The following IL20RA variants were observed in gnomAD, a reference collection of about 807,000 sequenced individuals.
IL20RA encodes interleukin-20 receptor subunit alpha.
IL20RA carries 29 observed loss-of-function variants against 36.5 expected under a neutral mutation model. The observed-to-expected ratio is 0.79, with a 90% CI of 0.59 to 1.08. The LOEUF (loss-of-function observed/expected upper bound fraction) is 1.08. IL20RA is among the 50% of genes least tolerant of loss of function. The pLI, the probability that IL20RA is intolerant of heterozygous loss-of-function variation, is 0.00. For synonymous variants in IL20RA, 279 were observed against 267.1 expected (o/e 1.04, Z -0.43); for missense variants, 652 against 668.4 (o/e 0.98, Z 0.27).
intron 1 of IL20RA, among the ~76,000 whole-genome samples, chr6:137,031,304 T>C (rs1776272174): frequency 6.6e-6 from 1 of 152,204 alleles, no homozygotes; most frequent in African/African-American, 2.4e-5. Context: ...TGATACAATG[T>C]ACAGCTGGGT....
chr6:137,011,524 A>C (rs907409720), intron 2 of IL20RA, 72 bp from the exon 3 acceptor site: 70 of 986,024 alleles, frequency 7.1e-5, no homozygotes, highest in Non-Finnish European at 9.1e-5. Context: ...CAGTCATTTT[A>C]TAAAACTGAA....
chr6:137,013,038 A>G (rs1775553801), intron 2 of IL20RA, among the ~76,000 whole-genome samples: 1 of 152,230 alleles, frequency 6.6e-6, no homozygotes, highest in Non-Finnish European at 1.5e-5. Context: ...TCAGCTCACA[A>G]AATATAAAAC....
chr6:137,009,922 C>T (rs1775424817), intron 3 of IL20RA, among the ~76,000 whole-genome samples: 1 of 152,098 alleles, frequency 6.6e-6, no homozygotes, highest in Non-Finnish European at 1.5e-5. Context: ...CACCTTCTTA[C>T]AGGAGATGCC....
intron 3 of IL20RA, among the ~76,000 whole-genome samples, chr6:137,009,734 T>G (rs1775413387): frequency 6.6e-6 from 1 of 150,584 alleles, no homozygotes; most frequent in South Asian, 2.1e-4. Context: ...GCCTCCCAAG[T>G]AGCTAGGATT....
intron 5 of IL20RA, among the ~76,000 whole-genome samples, chr6:137,005,782 G>A (rs1775256764): frequency 6.6e-6 from 1 of 152,082 alleles, no homozygotes; most frequent in South Asian, 2.1e-4. Flanking sequence ...AAAATGTCTT[G>A]ATGACCCTAA....
chr6:137,031,429 A>G (rs1776278040), intron 1 of IL20RA, among the ~76,000 whole-genome samples: 1 of 152,240 alleles, frequency 6.6e-6, no homozygotes, highest in Non-Finnish European at 1.5e-5. Flanking sequence ...TGGTCCCATA[A>G]GATGATGTAT....
chr6:137,002,409 A>G (rs1775111725), intron 6 of IL20RA, 54 bp from the exon 7 acceptor site: 1 of 1,200,516 alleles, frequency 8.3e-7, no homozygotes, highest in East Asian at 2.4e-5. Flanking sequence ...GAGACATTAA[A>G]AACAGCTGTT....
chr6:137,002,403 C>A, intron 6 of IL20RA, 48 bp from the exon 7 acceptor site: 1 of 1,241,722 alleles, frequency 8.1e-7, no homozygotes, highest in Admixed American at 2.3e-5. Flanking sequence ...TTTAGAGAGA[C>A]ATTAAAAACA....
chr6:137,020,265 G>A lies in IL20RA; in HGVS notation c.89-3162C>T, dbSNP rs146325705. Among the ~76,000 whole-genome samples, 806 of 152,218 alleles carry A rather than the reference G, an allele frequency of 5.3e-3. 5 individuals carry two copies. The highest frequency in any genetic ancestry group is 0.018 in the African/African-American group (750 of 41,538). ...ATCCTCCGACCCCAGTCCAGCCTTC[G>A]GATGACTGCAGCCCCAGCTTGCCTC... On this transcript the variant is annotated intron_variant, in intron 1 of 6. Transcript: ENST00000316649.
intron 1 of IL20RA, among the ~76,000 whole-genome samples, chr6:137,028,413 CTA>C (rs1491272586): frequency 1.5e-4 from 7 of 46,600 alleles, no homozygotes; most frequent in African/African-American, 2.7e-4. Flanking sequence ...GAGACTCCAT[CTA>C]AAAAAAAAAA....
chr6:137,008,599 C>T lies in IL20RA; in HGVS notation c.724G>A (p.Asp242Asn), dbSNP rs754745901. 6.3e-6 allele frequency: 10 copies of T among 1,583,726 alleles called. No homozygotes were observed. The highest frequency in any genetic ancestry group is 2.3e-5 in the East Asian group (1 of 43,632). Residue 242 changes from aspartate to asparagine, a missense_variant and splice_region_variant, in exon 5 of 7, where the codon GAT (aspartate) becomes AAT (asparagine). Physicochemically the swap from Asp to Asn is conservative, Grantham distance 23. Coordinates refer to ENST00000316649, the MANE Select transcript of IL20RA (RefSeq NM_014432.4). ...CCAGCAAAGATTTTTTAAAGCTTAC[C>T]TTTCAAAGTCCTGGCACACTGCTTC... ...SEKQCARTLK[D>N]QSSEFKAKII...
intron 1 of IL20RA, among the ~76,000 whole-genome samples, chr6:137,020,369 A>C (rs566488937): frequency 2.4e-4 from 36 of 152,284 alleles, no homozygotes; most frequent in African/African-American, 8.7e-4. Context: ...CTCAAAAAAT[A>C]TGTGAGATAA....
rs530777053 is a variant in IL20RA at position 137,036,230 on chromosome 6, G to A, written c.88+8411C>T. Among the ~76,000 whole-genome samples the A allele has an allele frequency of 2.0e-4, 30 of 152,326 alleles. No individual in the cohort carries two copies. In the South Asian group the frequency reaches 3.7e-3, roughly 19 times the overall value. Reference sequence around the variant, plus strand: ...TGTTGGAGAGGAGGAACCACTGCATGTGGCTGAGAAAACATTCTTTTCCAC... The same window carrying A: ...TGTTGGAGAGGAGGAACCACTGCATATGGCTGAGAAAACATTCTTTTCCAC... On this transcript the variant is annotated intron_variant, in intron 1 of 6. Coordinates refer to ENST00000316649, the MANE Select transcript of IL20RA (RefSeq NM_014432.4).
At chr6:137,037,482 G>A (rs964517014) in intron 1 of IL20RA, among the ~76,000 whole-genome samples, 4 of 152,148 alleles carry the variant, frequency 2.6e-5, no homozygotes, top group African/African-American at 7.2e-5. Flanking sequence ...AGAGCAAAAT[G>A]AAATTGTACT....
chr6:137,044,088 T>G, intron 1 of IL20RA: 1 of 985,282 alleles, frequency 1.0e-6, no homozygotes, highest in South Asian at 4.7e-5. Flanking sequence ...CAGGGGGAGC[T>G]TACTTTAAGA....
Position 137,009,502 on chromosome 6 carries a change from G to T in IL20RA, c.404-10C>A. 1.3e-6 allele frequency: 2 copies of T among 1,559,832 alleles called. No homozygotes were observed. The highest frequency in any genetic ancestry group is 1.8e-6 in the Non-Finnish European group (2 of 1,130,994). On this transcript the variant is annotated splice_polypyrimidine_tract_variant and intron_variant, in intron 3 of 6. Coordinates refer to ENST00000316649, the MANE Select transcript of IL20RA (RefSeq NM_014432.4). ...GGTGGGCCAATTTGTGCTTAAAGGG[G>T]GAGAAAGAGGGTATTATCATGTTCA...
chr6:137,010,744 T>C (rs1003249948), intron 3 of IL20RA, among the ~76,000 whole-genome samples: 9 of 152,204 alleles, frequency 5.9e-5, no homozygotes. Flanking sequence ...TAGTGGATAA[T>C]CAGGACAATG....
At chr6:137,028,833 T>C (rs1227657073) in intron 1 of IL20RA, among the ~76,000 whole-genome samples, 2 of 144,342 alleles carry the variant, frequency 1.4e-5, no homozygotes, top group East Asian at 4.1e-4. Flanking sequence ...ACAATTATCT[T>C]CAGAAGTAGC....
chr6:137,011,537 G>T, intron 2 of IL20RA, 85 bp from the exon 3 acceptor site: 1 of 857,266 alleles, frequency 1.2e-6, no homozygotes, highest in Non-Finnish European at 1.6e-6. Flanking sequence ...AAACTGAATG[G>T]AACTGACGAC....
Sources: gnomAD v4.1 joint callset for allele counts (sites outside exome capture counted in the v4.1 genomes callset) on GRCh38, gnomAD v4.1.1 for gene constraint, MANE v1.5 for transcripts, NCBI Gene and HGNC (gene_info 2026-07-23, HGNC 2026-07-21) for gene names.